ST3GAL3: variants seen among roughly 807,000 people sequenced by gnomAD.
The protein encoded by ST3GAL3 is ST3 beta-galactoside alpha-2,3-sialyltransferase 3.
Under a neutral mutation model 50.1 loss-of-function variants are expected in ST3GAL3, and 21 were observed. That is an observed-to-expected ratio of 0.42 (90% CI 0.30 to 0.60). The LOEUF (loss-of-function observed/expected upper bound fraction) is 0.60, where lower values mean the gene tolerates loss of function less well. ST3GAL3 is among the 20% of genes least tolerant of loss of function. ST3GAL3 has a pLI of 0.19. For missense variants in ST3GAL3, 353 were observed against 489.4 expected, an observed-to-expected ratio of 0.72 and a Z score of 2.63; for synonymous variants, 183 against 190.0, an observed-to-expected ratio of 0.96 and a Z score of 0.30.
chr1:43,840,801 G>A (rs1270186629), intron 5 of ST3GAL3: 2 of 152,200 alleles, frequency 1.3e-5, no homozygotes, highest in Non-Finnish European at 2.9e-5. Context: ...CAGGTCCCCT[G>A]ATACTAAGTC....
chr1:43,802,080 A>C (rs2059387818), intron 3 of ST3GAL3, among the ~76,000 whole-genome samples: 1 of 152,206 alleles, frequency 6.6e-6, no homozygotes, highest in Admixed American at 6.5e-5. Flanking sequence ...TTTATTAAAT[A>C]TTGAATTGCT....
At position 43,730,897 on chromosome 1, in the gene ST3GAL3, C is replaced by A. The variant is rs540344713; in HGVS notation, c.-30-5336C>A. 7.9e-5 allele frequency among the ~76,000 whole-genome samples: 12 copies of A among 152,152 alleles called. No individual in the cohort carries two copies. In the South Asian group the frequency reaches 2.5e-3, roughly 32 times the overall value. ...TTAAAACTTTATGTATTTACTTTTACAAATATAAACATTAAAAATAAATAT... is the reference window on the plus strand; with the variant it reads ...TTAAAACTTTATGTATTTACTTTTAAAAATATAAACATTAAAAATAAATAT... On this transcript the variant is annotated intron_variant, in intron 1 of 11. Transcript: ENST00000347631.
At chr1:43,929,848 C>T (rs1206838757) in intron 11 of ST3GAL3, among the ~76,000 whole-genome samples, 1 of 152,158 alleles carries the variant, frequency 6.6e-6, no homozygotes, top group Admixed American at 6.5e-5. Flanking sequence ...GTCCTTCCGC[C>T]AGCACTGAGG....
intron 2 of ST3GAL3, among the ~76,000 whole-genome samples, chr1:43,754,485 C>A (rs938512480): frequency 3.3e-5 from 5 of 152,102 alleles, no homozygotes; most frequent in African/African-American, 1.2e-4. Context: ...AGCCACCACG[C>A]CAGCATCATG....
At chr1:43,894,568 T>A (rs759962940) in intron 6 of ST3GAL3, 91 bp downstream of exon 6, 2 of 1,144,304 alleles carry the variant, frequency 1.7e-6, no homozygotes, top group African/African-American at 3.0e-5. Context: ...GAAGTCCCCA[T>A]GCTGAGAATC....
chr1:43,708,123 C>G (rs1276192171), intron 1 of ST3GAL3: 1 of 152,304 alleles, frequency 6.6e-6, no homozygotes, highest in Non-Finnish European at 1.5e-5. Context: ...TAGCGGGGGC[C>G]AGAACTGGGG....
chr1:43,920,370 G>A (rs1259712916), intron 9 of ST3GAL3, 34 bp from the exon 10 acceptor site: 1 of 1,613,846 alleles, frequency 6.2e-7, no homozygotes, highest in East Asian at 2.2e-5. Flanking sequence ...CTTGCTGTGT[G>A]CCTCGTTGAG....
At chr1:43,840,546 A>G (rs189784574) in intron 5 of ST3GAL3, 43 of 151,980 alleles carry the variant, frequency 2.8e-4, no homozygotes, top group African/African-American at 9.9e-4. Context: ...GTGATATTCT[A>G]TTACCCTGTT....
chr1:43,827,322 T>G (rs536745951), intron 4 of ST3GAL3, among the ~76,000 whole-genome samples: 8 of 152,318 alleles, frequency 5.3e-5, no homozygotes, highest in Admixed American at 2.6e-4. Flanking sequence ...AAACACGGTG[T>G]CATTTACATT....
chr1:43,899,347 T>C lies in ST3GAL3; in HGVS notation c.557+84T>C, dbSNP rs1453253588. 3.7e-6 allele frequency: 6 copies of C among 1,611,248 alleles called. No individual in the cohort carries two copies. The highest frequency in any genetic ancestry group is 4.2e-6 in the Non-Finnish European group (5 of 1,178,712). On this transcript the variant is annotated intron_variant, in intron 8 of 11. Coordinates refer to ENST00000347631, the MANE Select transcript of ST3GAL3 (RefSeq NM_006279.5). This position sits in a 1 kb window ranked among gnomAD's most constrained non-coding sequence, Gnocchi z 5.4. ...GCCCATTGAGAACTGTCTGTCTGGC[T>C]AGTTGGGCTGGAGGTCAACGGAAGC...
chr1:43,811,081 C>T (rs981808190), intron 3 of ST3GAL3, among the ~76,000 whole-genome samples: 1 of 152,206 alleles, frequency 6.6e-6, no homozygotes, highest in South Asian at 2.1e-4. Flanking sequence ...CTACTGTTCC[C>T]TTAAAATGTT....
At position 43,764,334 on chromosome 1, in the gene ST3GAL3, G is replaced by C. The variant is rs560546223; in HGVS notation, c.119-27768G>C. Among the ~76,000 whole-genome samples, 3 of 152,132 alleles carry C rather than the reference G, an allele frequency of 2.0e-5. No homozygotes were observed. In the South Asian group the frequency reaches 6.2e-4, roughly 32 times the overall value. The stretch of plus-strand genomic sequence containing the variant: ...ATTTTTGCAGAGTCTCAATTTTAAA[G>C]GTTCCATCCCACTGTGATTTTGTGT... On this transcript the variant is annotated intron_variant, in intron 2 of 11. Transcript: ENST00000347631.
At chr1:43,881,388 C>T (rs549659092) in intron 5 of ST3GAL3, among the ~76,000 whole-genome samples, 25 of 152,376 alleles carry the variant, frequency 1.6e-4, no homozygotes, top group African/African-American at 4.1e-4. Context: ...GAGACACAGA[C>T]GGTAGATGCT....
intron 6 of ST3GAL3, chr1:43,896,694 C>T (rs953393638): frequency 6.6e-6 from 1 of 152,214 alleles, no homozygotes; most frequent in Non-Finnish European, 1.5e-5. Context: ...CAAGCACACA[C>T]TAGCACTCCT....
At chr1:43,890,869 C>T (rs922740979) in intron 5 of ST3GAL3, among the ~76,000 whole-genome samples, 6 of 151,764 alleles carry the variant, frequency 4.0e-5, no homozygotes, top group African/African-American at 1.2e-4. Flanking sequence ...GGGTAACAGA[C>T]GTATACGGGA....
rs140199879 is a variant in ST3GAL3, at chr1:43,869,605, C to G, written c.303-24778C>G. 5.5e-3 allele frequency among the ~76,000 whole-genome samples: 650 copies of G among 118,904 alleles called. 10 individuals are homozygous for G. The highest frequency in any genetic ancestry group is 0.019 in the African/African-American group (607 of 32,412). The allele number at this position is 118,904 out of a possible 152,430, so 78.0% of individuals were successfully genotyped here. ...TGGTATTTTCTTCAATGGTCATGTC[C>G]CACTGACCATAAGCCTATTCTTGAC... On this transcript the variant is annotated intron_variant, in intron 5 of 11. Transcript: ENST00000347631.
chr1:43,738,504 T>G (rs1432153089), intron 2 of ST3GAL3: 4 of 143,356 alleles, frequency 2.8e-5, no homozygotes, highest in Non-Finnish European at 4.5e-5. Flanking sequence ...TTTTTTTTTG[T>G]TTTTTTTTTT....
chr1:43,893,717 C>T (rs1013103713), intron 5 of ST3GAL3, among the ~76,000 whole-genome samples: 4 of 152,286 alleles, frequency 2.6e-5, no homozygotes, highest in Non-Finnish European at 4.4e-5. Flanking sequence ...CTCTGGGTCC[C>T]TCCTCACTTC....
intron 9 of ST3GAL3, among the ~76,000 whole-genome samples, chr1:43,917,480 AT>A (rs2082047030): frequency 2.4e-5 from 2 of 82,760 alleles, no homozygotes; most frequent in Admixed American, 2.3e-4. Context: ...TATAATATAT[AT>A]AATATATAAT....
Sources: gnomAD v4.1 joint callset for allele counts (sites outside exome capture counted in the v4.1 genomes callset) on GRCh38, gnomAD v4.1.1 for gene constraint, Gnocchi (gnomAD v3.1) non-coding constraint, MANE v1.5 for transcripts, NCBI Gene and HGNC (gene_info 2026-07-23, HGNC 2026-07-21) for gene names.